Variants in HNRNPA1L2 observed in about 807,000 individuals in gnomAD.
HNRNPA1L2 encodes the protein heterogeneous nuclear ribonucleoprotein A1 like 2, also known as heterogeneous nuclear ribonucleoprotein A1-like 2.
HNRNPA1L2 carries 10 observed loss-of-function variants against 18.2 expected under a neutral mutation model. The ratio of observed to expected loss-of-function variants is 0.55; its 90% CI spans 0.34 to 0.93. The LOEUF (loss-of-function observed/expected upper bound fraction) is 0.93, where lower values mean the gene tolerates loss of function less well. Among genes scored for constraint, HNRNPA1L2 ranks in the 40% least tolerant of loss-of-function variants. The pLI, the probability that HNRNPA1L2 is intolerant of heterozygous loss-of-function variation, is 0.02. For synonymous variants in HNRNPA1L2, 124 were observed against 138.6 expected (o/e 0.89, Z 0.74); for missense variants, 308 against 394.4 (o/e 0.78, Z 1.85).
chr13:52,617,894 T>C, the HNRNPA1L2 span, among the ~76,000 whole-genome samples: 2 of 152,240 alleles, frequency 1.3e-5, no homozygotes, highest in East Asian at 1.9e-4. Flanking sequence ...AGAGCTCCAA[T>C]TACAAGCCGG....
At chr13:52,620,177 G>C in the HNRNPA1L2 span, among the ~76,000 whole-genome samples, 2 of 152,092 alleles carry the variant, frequency 1.3e-5, no homozygotes, top group South Asian at 4.2e-4. Flanking sequence ...TTCTGGCTTT[G>C]AGAACTTGAT....
the HNRNPA1L2 span, among the ~76,000 whole-genome samples, chr13:52,625,156 C>T: frequency 2.0e-5 from 3 of 150,862 alleles, no homozygotes; most frequent in African/African-American, 7.3e-5. Flanking sequence ...TGTTTTTTGC[C>T]CAGGCTGGAG....
rs1961709179 is a variant in HNRNPA1L2 at position 52,642,941 on chromosome 13, T to C, written c.449T>C (p.Phe150Ser). ...RGSGKKRGFA[F>S]VTFDDHDSVD... is the part of the protein sequence containing the mutation. ...AGTGGCAAGAAAAGGGGCTTTGCCT[T>C]TGTAACCTTTGACGACCATGACTCC... Residue 150 changes from phenylalanine (F) to serine (S), a missense_variant, in exon 1 of 1, where the codon TTT (phenylalanine) becomes TCT (serine). By Grantham distance (155) the Phe-to-Ser change is radical. Transcript: ENST00000357495. 1 of 1,597,016 alleles carries C rather than the reference T, an allele frequency of 6.3e-7. No individual in the cohort carries two copies. The highest frequency in any genetic ancestry group is 1.3e-5 in the African/African-American group (1 of 74,860).
upstream of HNRNPA1L2, among the ~76,000 whole-genome samples, chr13:52,637,985 T>G (rs1180126927): frequency 6.6e-6 from 1 of 152,212 alleles, no homozygotes; most frequent in African/African-American, 2.4e-5. Context: ...ATTATCAGAT[T>G]CTAAGATAAT....
the HNRNPA1L2 span, among the ~76,000 whole-genome samples, chr13:52,636,044 C>T: frequency 6.6e-6 from 1 of 152,042 alleles, no homozygotes; most frequent in Non-Finnish European, 1.5e-5. Flanking sequence ...ATCATGTTGG[C>T]CAGGCTGTTC....
chr13:52,624,881 A>G, the HNRNPA1L2 span, among the ~76,000 whole-genome samples: 1 of 152,170 alleles, frequency 6.6e-6, no homozygotes, highest in African/African-American at 2.4e-5. Flanking sequence ...AAATACAAAA[A>G]TTAGCCGGGT....
Position 52,643,417 on chromosome 13 carries a change from A to G in HNRNPA1L2, c.925A>G (p.Ser309Gly). 1 of 1,598,334 alleles carries G rather than the reference A, an allele frequency of 6.3e-7. No homozygotes were observed. The highest frequency in any genetic ancestry group is 8.5e-7 in the Non-Finnish European group (1 of 1,179,534). ...PQNQGGYGVSSSSSSYGSGRR... is the reference protein window; with the variant it reads ...PQNQGGYGVSGSSSSYGSGRR... ...AAACCAAGGTGGCTATGGCGTTTCC[A>G]GCAGCAGCAGTAGCTATGGCAGTGG... The change falls in exon 1 of 1, where the codon AGC (serine) becomes GGC (glycine). Residue 309 changes from serine to glycine, a missense_variant. Ser to Gly is a moderately conservative substitution (Grantham distance 56). Transcript: ENST00000357495.
At chr13:52,630,940 A>T in the HNRNPA1L2 span, among the ~76,000 whole-genome samples, 2 of 152,198 alleles carry the variant, frequency 1.3e-5, no homozygotes, top group South Asian at 2.1e-4. Context: ...CTACATCGGG[A>T]TGGCATATTT....
the HNRNPA1L2 span, among the ~76,000 whole-genome samples, chr13:52,618,765 C>T: frequency 6.6e-6 from 1 of 152,082 alleles, no homozygotes; most frequent in Non-Finnish European, 1.5e-5. Context: ...TCTTAAATGT[C>T]GTTTTGAAGG....
the HNRNPA1L2 span, among the ~76,000 whole-genome samples, chr13:52,620,362 C>T: frequency 6.6e-6 from 1 of 152,164 alleles, no homozygotes; most frequent in Non-Finnish European, 1.5e-5. Context: ...TCTAGAGATT[C>T]ATAACCACTG....
At chr13:52,628,600 G>GAT in the HNRNPA1L2 span, among the ~76,000 whole-genome samples, 1 of 152,144 alleles carries the variant, frequency 6.6e-6, no homozygotes, top group Non-Finnish European at 1.5e-5. Flanking sequence ...TAGGCATACA[G>GAT]ATACTGATTG....
upstream of HNRNPA1L2, among the ~76,000 whole-genome samples, chr13:52,638,814 T>C (rs1158319612): frequency 6.6e-6 from 1 of 152,194 alleles, no homozygotes; most frequent in Non-Finnish European, 1.5e-5. Context: ...TAATATTTCC[T>C]CAAACTAGAA....
At chr13:52,633,498 A>G in the HNRNPA1L2 span, among the ~76,000 whole-genome samples, 2 of 152,196 alleles carry the variant, frequency 1.3e-5, no homozygotes, top group African/African-American at 4.8e-5. Flanking sequence ...CCAGAGTGTA[A>G]GTGATGAGCA....
Position 52,643,021 on chromosome 13 carries a change from G to T in HNRNPA1L2, c.529G>T (p.Val177Phe). The T allele has an allele frequency of 6.3e-7, 1 of 1,597,626 alleles. No homozygotes were observed. The highest frequency in any genetic ancestry group is 8.5e-7 in the Non-Finnish European group (1 of 1,179,802). The change falls in exon 1 of 1, where the codon GTT (valine) becomes TTT (phenylalanine). Residue 177 changes from valine to phenylalanine, a missense_variant. By Grantham distance (50) the Val-to-Phe change is conservative (BLOSUM62 -1). Coordinates refer to ENST00000357495, the MANE Select transcript of HNRNPA1L2 (RefSeq NM_001389320.1). ...TACTGTGAAGGGCCACAACTGTGAAGTTAGAAAAGCCCTGCCAAAGCAAGA... is the reference window on the plus strand; with the variant it reads ...TACTGTGAAGGGCCACAACTGTGAATTTAGAAAAGCCCTGCCAAAGCAAGA... ...YHTVKGHNCE[V>F]RKALPKQEMA... is the part of the protein sequence containing the mutation.
At chr13:52,637,962 GT>G, upstream of HNRNPA1L2, among the ~76,000 whole-genome samples, 1 of 152,294 alleles carries the variant, frequency 6.6e-6, no homozygotes, top group Non-Finnish European at 1.5e-5. Flanking sequence ...CTAGCCATCA[GT>G]AGAGTCCCAG....
chr13:52,641,792 A>C (rs562670855), upstream of HNRNPA1L2: 18 of 152,370 alleles, frequency 1.2e-4, no homozygotes, highest in African/African-American at 4.3e-4. Flanking sequence ...ACTCCCAGAC[A>C]TAATAGCAAT....
At chr13:52,640,369 C>A (rs2138080510), upstream of HNRNPA1L2, among the ~76,000 whole-genome samples, 1 of 152,240 alleles carries the variant, frequency 6.6e-6, no homozygotes. Context: ...AGAGTGGTCC[C>A]AAATTAGCAT....
chr13:52,635,962 G>A, the HNRNPA1L2 span, among the ~76,000 whole-genome samples: 4 of 151,208 alleles, frequency 2.6e-5, no homozygotes, highest in African/African-American at 9.7e-5. Context: ...TCAGTCTCCC[G>A]AGTAGCTGGG....
the HNRNPA1L2 span, among the ~76,000 whole-genome samples, chr13:52,621,189 A>G: frequency 1.3e-5 from 2 of 152,180 alleles, no homozygotes; most frequent in Admixed American, 1.3e-4. Context: ...CATCTTTTGC[A>G]TGAGTCTAGT....
Sources: allele counts gnomAD v4.1 joint callset (sites outside exome capture counted in the v4.1 genomes callset), GRCh38; gene constraint gnomAD v4.1.1; transcripts MANE v1.5; gene names NCBI Gene and HGNC (gene_info 2026-07-23, HGNC 2026-07-21).